RRP15: variants seen among roughly 807,000 people sequenced by gnomAD.
RRP15 encodes the protein RRP15-like protein.
In RRP15, 18 loss-of-function variants were observed where a neutral mutation model predicts 27.1. The ratio of observed to expected loss-of-function variants is 0.66; its 90% CI spans 0.46 to 0.98. The LOEUF is 0.98. Ranked by LOEUF, RRP15 falls within the 50% of genes least tolerant of loss-of-function variation. RRP15 has a pLI of 0.00. For synonymous variants in RRP15, 107 were observed against 109.4 expected (o/e 0.98, Z 0.14); for missense variants, 359 against 337.8 (o/e 1.06, Z -0.49).
intron 4 of RRP15, among the ~76,000 whole-genome samples, chr1:218,325,282 C>A (rs1161196450): frequency 6.6e-6 from 1 of 152,204 alleles, no homozygotes; most frequent in African/African-American, 2.4e-5. Flanking sequence ...TCATTCTCAT[C>A]CTGGCTGTTT....
chr1:218,324,949 A>G (rs1412600174), intron 4 of RRP15, among the ~76,000 whole-genome samples: 2 of 152,000 alleles, frequency 1.3e-5, no homozygotes, highest in Non-Finnish European at 2.9e-5. Context: ...ATTCTTTCCT[A>G]GAGGCCTCTA....
At chr1:218,289,941 C>G (rs1375638161) in intron 1 of RRP15, among the ~76,000 whole-genome samples, 2 of 152,214 alleles carry the variant, frequency 1.3e-5, no homozygotes, top group South Asian at 2.1e-4. Flanking sequence ...CTTGGCCTCC[C>G]AAAGTGCTGG....
At chr1:218,302,598 T>C (rs1416888447) in intron 2 of RRP15, 39 bp downstream of exon 2, 1 of 1,593,208 alleles carries the variant, frequency 6.3e-7, no homozygotes. Flanking sequence ...AGATTGTTTG[T>C]CTAGGCTAGC....
intron 4 of RRP15, among the ~76,000 whole-genome samples, chr1:218,322,896 G>A (rs1656209237): frequency 6.6e-6 from 1 of 152,174 alleles, no homozygotes; most frequent in African/African-American, 2.4e-5. Context: ...AGCGAGGGAT[G>A]TATGAGCGAG....
intron 4 of RRP15, among the ~76,000 whole-genome samples, chr1:218,309,060 G>A (rs1294880114): frequency 6.6e-6 from 1 of 152,056 alleles, no homozygotes; most frequent in African/African-American, 2.4e-5. Flanking sequence ...CTTTCCACTG[G>A]CATTGTATTT....
chr1:218,316,222 G>A (rs1656087669), intron 4 of RRP15, among the ~76,000 whole-genome samples: 1 of 152,280 alleles, frequency 6.6e-6, no homozygotes, highest in South Asian at 2.1e-4. Flanking sequence ...CAGAACTGCT[G>A]TAGAAATCTT....
chr1:218,318,581 G>A (rs769792949), intron 4 of RRP15, among the ~76,000 whole-genome samples: 6 of 152,018 alleles, frequency 3.9e-5, no homozygotes, highest in South Asian at 2.1e-4. Flanking sequence ...TTAGGACTAC[G>A]GGCTTGCTGA....
chr1:218,309,332 G>A (rs760821740), intron 4 of RRP15, among the ~76,000 whole-genome samples: 2 of 152,140 alleles, frequency 1.3e-5, no homozygotes, highest in Non-Finnish European at 2.9e-5. Context: ...GCTTGAGTTT[G>A]CATCTGAATA....
chr1:218,311,441 T>C (rs2102505035), intron 4 of RRP15, among the ~76,000 whole-genome samples: 1 of 152,334 alleles, frequency 6.6e-6, no homozygotes, highest in Non-Finnish European at 1.5e-5. Context: ...TTTGTTACAA[T>C]TTTTATTTTT....
At chr1:218,303,182 G>C (rs185181877) in intron 2 of RRP15, among the ~76,000 whole-genome samples, 7 of 152,212 alleles carry the variant, frequency 4.6e-5, no homozygotes, top group Admixed American at 2.0e-4. Flanking sequence ...CATATCACCT[G>C]TACTTGATGA....
intron 4 of RRP15, among the ~76,000 whole-genome samples, chr1:218,325,244 T>C (rs1656254791): frequency 1.3e-5 from 2 of 152,220 alleles, no homozygotes; most frequent in South Asian, 4.1e-4. Context: ...TCATGCGTGA[T>C]GTGTAGTTGT....
intron 4 of RRP15, among the ~76,000 whole-genome samples, chr1:218,328,919 C>A (rs1056141283): frequency 2.0e-5 from 3 of 152,098 alleles, no homozygotes; most frequent in Non-Finnish European, 4.4e-5. Context: ...TGAGATTGTA[C>A]TTGTTCATAT....
At chr1:218,288,540 T>C (rs1241009564) in intron 1 of RRP15, among the ~76,000 whole-genome samples, 2 of 152,220 alleles carry the variant, frequency 1.3e-5, no homozygotes, top group African/African-American at 2.4e-5. Flanking sequence ...CACAGAGGCT[T>C]ATAACTTGCC....
chr1:218,321,400 G>T (rs1340442264), intron 4 of RRP15, among the ~76,000 whole-genome samples: 1 of 152,216 alleles, frequency 6.6e-6, no homozygotes, highest in East Asian at 1.9e-4. Flanking sequence ...GACTCCGTAA[G>T]TTGATAAAAG....
chr1:218,327,098 G>C (rs568922490), intron 4 of RRP15, among the ~76,000 whole-genome samples: 3 of 152,248 alleles, frequency 2.0e-5, no homozygotes, highest in Admixed American at 2.0e-4. Flanking sequence ...TGTTGATATT[G>C]TCTTTTCTGA....
At chr1:218,321,868 C>CT (rs1321976785) in intron 4 of RRP15, among the ~76,000 whole-genome samples, 5 of 151,082 alleles carry the variant, frequency 3.3e-5, no homozygotes, top group Admixed American at 6.6e-5. Context: ...TTTGATCTAC[C>CT]TTTTTTTTGT....
At chr1:218,324,283 A>G (rs1252856714) in intron 4 of RRP15, among the ~76,000 whole-genome samples, 2 of 152,132 alleles carry the variant, frequency 1.3e-5, no homozygotes, top group Non-Finnish European at 2.9e-5. Flanking sequence ...CCCCGCACAA[A>G]TGAACCCGAC....
chr1:218,320,077 T>A (rs547087482), intron 4 of RRP15, among the ~76,000 whole-genome samples: 109 of 151,516 alleles, frequency 7.2e-4, no homozygotes, highest in Middle Eastern at 3.4e-3. Context: ...ATTATTATTA[T>A]ACTTTAAGTT....
rs1188230214 is a variant in RRP15 at position 218,328,662 on chromosome 1, CA to C, written c.706-2272del. On this transcript the variant is annotated intron_variant, in intron 4 of 4. Transcript: ENST00000366932. ...TGGGCGACAGAGCGAGACTCCGTCT[CA>C]AAAAAAAAAAAAATTTTTTTTTCCA... is the stretch of plus-strand genomic sequence containing the variant. Among the ~76,000 whole-genome samples, 693 of 141,386 alleles carry C rather than the reference CA, an allele frequency of 4.9e-3. 4 individuals carry two copies. Among genetic ancestry groups the C allele is most frequent in the African/African-American group, 0.016 (601 of 38,646 alleles). The allele number at this position is 141,386 out of a possible 152,430, so 92.8% of individuals were successfully genotyped here. A position where few individuals can be genotyped will look rare whatever the true frequency, so the allele number is the denominator to read the frequency against.
Sources: gnomAD v4.1 joint callset for allele counts (sites outside exome capture counted in the v4.1 genomes callset) on GRCh38, gnomAD v4.1.1 for gene constraint, MANE v1.5 for transcripts, NCBI Gene and HGNC (gene_info 2026-07-23, HGNC 2026-07-21) for gene names.